The following PPP3R1 variants were observed in gnomAD, a reference collection of about 807,000 sequenced individuals.
The protein encoded by PPP3R1 is calcineurin subunit B type 1.
In PPP3R1, 5 loss-of-function variants were observed where a neutral mutation model predicts 22.6. That is an observed-to-expected ratio of 0.22 (90% confidence interval 0.12 to 0.46). The LOEUF (loss-of-function observed/expected upper bound fraction) is 0.46, where lower values mean the gene tolerates loss of function less well. Among genes scored for constraint, PPP3R1 ranks in the 20% least tolerant of loss-of-function variants. The probability of loss-of-function intolerance (pLI) is 0.99; values close to 1 mark genes in which losing one functional copy is unlikely to be tolerated. For synonymous variants in PPP3R1, 56 were observed against 65.2 expected (o/e 0.86, Z 0.68); for missense variants, 61 against 203.2 (o/e 0.30, Z 4.25).
At chr2:68,222,330 A>C (rs970395579) in intron 1 of PPP3R1, among the ~76,000 whole-genome samples, 6 of 152,190 alleles carry the variant, frequency 3.9e-5, no homozygotes, top group African/African-American at 1.4e-4. Flanking sequence ...ATAAAATGGT[A>C]TCATTGTGAT....
rs17035147 is a variant in PPP3R1 at position 68,242,822 on chromosome 2, G to A, written c.3+9303C>T. On this transcript the variant is annotated intron_variant, in intron 1 of 5. Coordinates refer to ENST00000234310, the MANE Select transcript of PPP3R1 (RefSeq NM_000945.4). The stretch of plus-strand genomic sequence containing the variant: ...AGAAAATCATCCCTGAATCTAGACA[G>A]ATTAAAAATAAAATACTAATGGATA... 9.6e-3 allele frequency among the ~76,000 whole-genome samples: 1,457 copies of A among 152,276 alleles called. 21 individuals carry two copies. Among genetic ancestry groups the A allele is most frequent in the African/African-American group, 0.033 (1,359 of 41,548 alleles).
At chr2:68,189,393 T>C (rs774941408) in intron 2 of PPP3R1, among the ~76,000 whole-genome samples, 1 of 152,216 alleles carries the variant, frequency 6.6e-6, no homozygotes, top group Non-Finnish European at 1.5e-5. Flanking sequence ...ATGTTTACAT[T>C]AGTTTGTAAG....
chr2:68,231,890 C>G (rs945444292), intron 1 of PPP3R1, among the ~76,000 whole-genome samples: 31 of 151,888 alleles, frequency 2.0e-4, no homozygotes, highest in African/African-American at 7.5e-4. Flanking sequence ...ATTTTGACCT[C>G]ATGTGCTCCC....
chr2:68,198,581 C>A (rs188294550), intron 2 of PPP3R1, among the ~76,000 whole-genome samples: 55 of 151,772 alleles, frequency 3.6e-4, no homozygotes, highest in African/African-American at 1.3e-3. Flanking sequence ...GCCAGTACCA[C>A]AGTGTTATGT....
chr2:68,228,468 T>C (rs1275667300), intron 1 of PPP3R1, among the ~76,000 whole-genome samples: 1 of 152,184 alleles, frequency 6.6e-6, no homozygotes, highest in Non-Finnish European at 1.5e-5. Flanking sequence ...TTTATGTATA[T>C]AAAATTGGTC....
rs1368111587 is a variant in PPP3R1, at chr2:68,182,082, C to T, written c.466-1072G>A. 7.0e-5 allele frequency among the ~76,000 whole-genome samples: 8 copies of T among 114,752 alleles called. 1 individual carries two copies. The South Asian group carries it at 2.4e-3, about 34-fold the overall frequency. 75.3% of individuals were successfully genotyped at this position (114,752 alleles called of 152,430 possible). A position where few individuals can be genotyped will look rare whatever the true frequency, so the allele number is the denominator to read the frequency against. On this transcript the variant is annotated intron_variant, in intron 5 of 5. Coordinates refer to ENST00000234310, the MANE Select transcript of PPP3R1 (RefSeq NM_000945.4). ...TCTCCCCTCCTCCAACCCCCCCCTC[C>T]CCCCACCACACACACACGACCAGTA...
intron 1 of PPP3R1, among the ~76,000 whole-genome samples, chr2:68,223,588 GA>G (rs569448506): frequency 3.3e-5 from 5 of 151,612 alleles, no homozygotes; most frequent in Admixed American, 1.3e-4. Flanking sequence ...GAAAAAAAAA[GA>G]AAAAAACCAC....
intron 2 of PPP3R1, among the ~76,000 whole-genome samples, chr2:68,215,061 G>T (rs1262575289): frequency 1.3e-5 from 2 of 152,044 alleles, no homozygotes; most frequent in African/African-American, 2.4e-5. Flanking sequence ...GTTCTCACTT[G>T]TAAGTGGGAT....
At chr2:68,234,212 A>G (rs561468795) in intron 1 of PPP3R1, among the ~76,000 whole-genome samples, 1 of 152,216 alleles carries the variant, frequency 6.6e-6, no homozygotes, top group African/African-American at 2.4e-5. Flanking sequence ...GCATGGTGGT[A>G]GACACCTGTA....
intron 5 of PPP3R1, among the ~76,000 whole-genome samples, chr2:68,185,546 T>C (rs1334679343): frequency 2.7e-5 from 4 of 150,108 alleles, no homozygotes; most frequent in Admixed American, 1.3e-4. Context: ...TCCAATACCA[T>C]TGAAGCCAAG....
intron 1 of PPP3R1, among the ~76,000 whole-genome samples, chr2:68,249,437 A>T (rs570519830): frequency 1.6e-4 from 24 of 152,342 alleles, no homozygotes; most frequent in African/African-American, 2.4e-4. Flanking sequence ...AAAAAAATTT[A>T]AAAGTTTAAA....
intron 4 of PPP3R1, 38 bp from the exon 5 acceptor site, chr2:68,186,690 G>A: frequency 1.3e-6 from 2 of 1,504,554 alleles, no homozygotes; most frequent in Non-Finnish European, 1.8e-6. Context: ...CAATTACAAA[G>A]CAATCACAAG....
intron 2 of PPP3R1, among the ~76,000 whole-genome samples, chr2:68,204,503 G>A (rs543500443): frequency 6.6e-6 from 1 of 152,090 alleles, no homozygotes; most frequent in African/African-American, 2.4e-5. Flanking sequence ...GAAACATGAT[G>A]GCCTAAGATC....
intron 1 of PPP3R1, among the ~76,000 whole-genome samples, chr2:68,217,691 A>G (rs770642453): frequency 1.3e-5 from 2 of 152,172 alleles, no homozygotes; most frequent in Non-Finnish European, 2.9e-5. Context: ...CAGCCACTTG[A>G]AAACCATTTC....
intron 2 of PPP3R1, 35 bp from the exon 3 acceptor site, chr2:68,188,725 T>TA: frequency 6.6e-7 from 1 of 1,525,644 alleles, no homozygotes; most frequent in East Asian, 2.3e-5. Flanking sequence ...AAGAATTTTT[T>TA]AAAAATGTTC....
rs915159624 is a variant in PPP3R1 at position 68,252,201 on chromosome 2, A to ACGG, written c.-77_-75dup. ...TTGCGCTCAGGCTGGCTCGCAGGAA[A>ACGG]CGGCGGCGGCGGCCCAGCTGCGGCC... is the stretch of plus-strand genomic sequence containing the variant. On this transcript the variant is annotated 5_prime_UTR_variant, in exon 1 of 6. Transcript: ENST00000234310. The ACGG allele has an allele frequency of 8.9e-6, 11 of 1,239,358 alleles. No homozygotes were observed. The African/African-American group carries it at 9.6e-5, about 11-fold the overall frequency. The allele number at this position is 1,239,358 out of a possible 1,614,324, so 76.8% of individuals were successfully genotyped here.
intron 2 of PPP3R1, among the ~76,000 whole-genome samples, chr2:68,196,299 A>G (rs994630946): frequency 6.8e-6 from 1 of 147,986 alleles, no homozygotes; most frequent in African/African-American, 2.5e-5. Flanking sequence ...ATGTGACCCC[A>G]ATGAGAAGTA....
intron 2 of PPP3R1, among the ~76,000 whole-genome samples, chr2:68,206,947 T>A (rs1220191742): frequency 6.6e-6 from 1 of 152,056 alleles, no homozygotes; most frequent in Non-Finnish European, 1.5e-5. Flanking sequence ...TGGCTTGAGC[T>A]AGGTATGGAA....
Position 68,252,450 on chromosome 2 carries a change from T to A in PPP3R1, c.-323A>T. On this transcript the variant is annotated 5_prime_UTR_variant, in exon 1 of 6. Coordinates refer to ENST00000234310, the MANE Select transcript of PPP3R1 (RefSeq NM_000945.4). ...GAGGGGGCGAAGACGGCCGGGAAAC[T>A]CGGGGGCTGCAGCCTCGCGCTCGCG... 1.6e-5 allele frequency: 16 copies of A among 988,832 alleles called. No individual in the cohort carries two copies. Among genetic ancestry groups the A allele is most frequent in the Non-Finnish European group, 1.9e-5 (16 of 833,234 alleles). 61.3% of individuals were successfully genotyped at this position (988,832 alleles called of 1,614,324 possible). A position where few individuals can be genotyped will look rare whatever the true frequency, so the allele number is the denominator to read the frequency against.
Sources: gnomAD v4.1 joint callset for allele counts (sites outside exome capture counted in the v4.1 genomes callset) on GRCh38, gnomAD v4.1.1 for gene constraint, MANE v1.5 for transcripts, NCBI Gene and HGNC (gene_info 2026-07-23, HGNC 2026-07-21) for gene names.